The following EYS variants were observed in gnomAD, a reference collection of about 807,000 sequenced individuals.
EYS encodes protein eyes shut homolog.
EYS carries 250 observed loss-of-function variants against 282.1 expected under a neutral mutation model. That is an observed-to-expected ratio of 0.89 (90% CI 0.80 to 0.98). The LOEUF (loss-of-function observed/expected upper bound fraction) is 0.98. Ranked by LOEUF, EYS falls within the 50% of genes least tolerant of loss-of-function variation. The pLI is 0.00. For missense variants in EYS, 4,016 were observed against 3,709.0 expected (o/e 1.08, Z -2.15); for synonymous variants, 1,355 against 1,282.9 (o/e 1.06, Z -1.20).
At chr6:64,977,474 T>C (rs889907499) in intron 14 of EYS, among the ~76,000 whole-genome samples, 14 of 151,756 alleles carry the variant, frequency 9.2e-5, no homozygotes, top group African/African-American at 3.1e-4. Flanking sequence ...TCCTGAGACA[T>C]AACAATATTA....
intron 26 of EYS, among the ~76,000 whole-genome samples, chr6:64,520,186 T>C (rs978048553): frequency 2.6e-5 from 4 of 151,730 alleles, no homozygotes; most frequent in African/African-American, 9.7e-5. Context: ...GTCAGCTGGC[T>C]AGGGTGTTCT....
chr6:64,032,472 C>A (rs1186705126), intron 33 of EYS, among the ~76,000 whole-genome samples: 2 of 152,310 alleles, frequency 1.3e-5, no homozygotes, highest in East Asian at 3.9e-4. Flanking sequence ...GTTTTCTATA[C>A]CACGTGTCTG....
At chr6:64,229,976 C>T (rs1396695083) in intron 31 of EYS, among the ~76,000 whole-genome samples, 1 of 152,188 alleles carries the variant, frequency 6.6e-6, no homozygotes, top group Non-Finnish European at 1.5e-5. Flanking sequence ...AAGTCAGCTG[C>T]AGCATGACTT....
intron 19 of EYS, among the ~76,000 whole-genome samples, chr6:64,880,088 C>T (rs1371143498): frequency 1.3e-5 from 2 of 151,926 alleles, no homozygotes; most frequent in Admixed American, 6.6e-5. Flanking sequence ...GAATTAGTTA[C>T]CTGATTCTGT....
chr6:64,239,597 G>A (rs1582470258), intron 30 of EYS, among the ~76,000 whole-genome samples: 1 of 128,040 alleles, frequency 7.8e-6, no homozygotes, highest in South Asian at 2.4e-4. Context: ...TTTTGATGGG[G>A]TTGTTTTTTT....
intron 26 of EYS, among the ~76,000 whole-genome samples, chr6:64,446,804 A>G (rs890034009): frequency 3.3e-5 from 5 of 152,204 alleles, no homozygotes; most frequent in African/African-American, 1.2e-4. Context: ...TATTACCAAT[A>G]TAGTATAATC....
intron 13 of EYS, among the ~76,000 whole-genome samples, chr6:65,020,468 GATCACATCCCA>G (rs1772215184): frequency 2.0e-5 from 3 of 152,142 alleles, no homozygotes; most frequent in Non-Finnish European, 4.4e-5. Flanking sequence ...CTCACATCCA[GATCACATCCCA>G]TGGCTTTGGG....
chr6:64,960,429 A>G (rs1036212890), intron 14 of EYS, among the ~76,000 whole-genome samples: 1 of 152,152 alleles, frequency 6.6e-6, no homozygotes, highest in Non-Finnish European at 1.5e-5. Flanking sequence ...ATTTTTTAAC[A>G]ATGTAGAACC....
chr6:63,959,175 A>G (rs1415536610), intron 35 of EYS, among the ~76,000 whole-genome samples: 2 of 152,176 alleles, frequency 1.3e-5, no homozygotes, highest in Non-Finnish European at 2.9e-5. Context: ...TTACAAGAAT[A>G]AAACAACCCC....
At chr6:65,607,518 A>G (rs779026341) in intron 2 of EYS, among the ~76,000 whole-genome samples, 6 of 151,864 alleles carry the variant, frequency 4.0e-5, no homozygotes, top group Non-Finnish European at 7.4e-5. Context: ...AGTACTTTTT[A>G]TAAGAGTCGC....
At chr6:64,720,649 A>G (rs9452521) in intron 22 of EYS, among the ~76,000 whole-genome samples, 7 of 152,154 alleles carry the variant, frequency 4.6e-5, no homozygotes, top group African/African-American at 1.7e-4. Context: ...TAATGAGACA[A>G]TAGGCTGGAA....
At chr6:65,198,661 T>A (rs922506396) in intron 12 of EYS, among the ~76,000 whole-genome samples, 4 of 152,130 alleles carry the variant, frequency 2.6e-5, no homozygotes, top group African/African-American at 7.2e-5. Context: ...AACTTTAATG[T>A]TAAGAGAGCA....
intron 1 of EYS, among the ~76,000 whole-genome samples, chr6:65,667,222 G>A (rs1768230865): frequency 6.6e-6 from 1 of 151,776 alleles, no homozygotes. Context: ...TGTAAAACAT[G>A]AAACTGATTA....
At chr6:65,100,938 C>T (rs1048669846) in intron 12 of EYS, among the ~76,000 whole-genome samples, 11 of 150,812 alleles carry the variant, frequency 7.3e-5, no homozygotes, top group African/African-American at 2.7e-4. Context: ...ATATTCACTC[C>T]AATATTCAAA....
At chr6:65,141,042 C>T (rs982266444) in intron 12 of EYS, among the ~76,000 whole-genome samples, 35 of 151,734 alleles carry the variant, frequency 2.3e-4, no homozygotes, top group Admixed American at 5.9e-4. Flanking sequence ...CACATGCACA[C>T]GTATGTTTAT....
chr6:65,024,842 G>C (rs1772355558), intron 13 of EYS, among the ~76,000 whole-genome samples: 1 of 152,138 alleles, frequency 6.6e-6, no homozygotes, highest in South Asian at 2.1e-4. Context: ...AAAAAGGTCA[G>C]CTATACCTCT....
chr6:65,529,506 T>C lies in EYS; in HGVS notation c.-332-33513A>G, dbSNP rs73447240. Among the ~76,000 whole-genome samples, 961 of 152,232 alleles carry C rather than the reference T, an allele frequency of 6.3e-3. 16 individuals are homozygous for C. Among genetic ancestry groups the C allele is most frequent in the African/African-American group, 0.021 (854 of 41,542 alleles). On this transcript the variant is annotated intron_variant, in intron 2 of 42. Coordinates refer to ENST00000503581, the MANE Select transcript of EYS (RefSeq NM_001142800.2). ...ATGAAACACAGGACACCAGAGGAAG[T>C]TGATTAATAAATTGCCTGTCTATTA...
intron 1 of EYS, among the ~76,000 whole-genome samples, chr6:65,663,087 G>C (rs1207876812): frequency 6.6e-6 from 1 of 152,144 alleles, no homozygotes; most frequent in Non-Finnish European, 1.5e-5. Context: ...CTTCTTTCTT[G>C]AAGCAGCAAA....
intron 12 of EYS, among the ~76,000 whole-genome samples, chr6:65,109,975 A>T (rs886832288): frequency 2.6e-5 from 4 of 152,148 alleles, no homozygotes; most frequent in Non-Finnish European, 4.4e-5. Context: ...CCAAAATAAG[A>T]CTAGCCTTTC....
Sources: gnomAD v4.1 joint callset for allele counts (sites outside exome capture counted in the v4.1 genomes callset) on GRCh38, gnomAD v4.1.1 for gene constraint, MANE v1.5 for transcripts, NCBI Gene and HGNC (gene_info 2026-07-23, HGNC 2026-07-21) for gene names.